The following RPRD1A variants were observed in gnomAD, a reference collection of about 807,000 sequenced individuals.
The protein encoded by RPRD1A is regulation of nuclear pre-mRNA domain containing 1A, also known as regulation of nuclear pre-mRNA domain-containing protein 1A.
In RPRD1A, 9 loss-of-function variants were observed where a neutral mutation model predicts 37.8. The ratio of observed to expected loss-of-function variants is 0.24; its 90% CI spans 0.14 to 0.42. The LOEUF (loss-of-function observed/expected upper bound fraction) is 0.42, where lower values mean the gene tolerates loss of function less well. Among genes scored for constraint, RPRD1A ranks in the 10% least tolerant of loss-of-function variants. The pLI is 1.00. For missense variants in RPRD1A, 255 were observed against 371.0 expected, an observed-to-expected ratio of 0.69 and a Z score of 2.57; for synonymous variants, 138 against 139.7, an observed-to-expected ratio of 0.99 and a Z score of 0.08.
At chr18:36,058,167 T>C (rs1913924214) in intron 1 of RPRD1A, among the ~76,000 whole-genome samples, 1 of 152,148 alleles carries the variant, frequency 6.6e-6, no homozygotes, top group African/African-American at 2.4e-5. Flanking sequence ...CTCAGCCTCC[T>C]GGGTAGCTGG....
At chr18:36,059,889 G>A (rs1053949991) in intron 1 of RPRD1A, among the ~76,000 whole-genome samples, 5 of 152,154 alleles carry the variant, frequency 3.3e-5, no homozygotes, top group African/African-American at 1.2e-4. Context: ...TAAGTGTTAA[G>A]AAAGACTATA....
At chr18:36,010,660 T>C (rs912269174) in intron 6 of RPRD1A, among the ~76,000 whole-genome samples, 1 of 152,238 alleles carries the variant, frequency 6.6e-6, no homozygotes, top group African/African-American at 2.4e-5. Context: ...CCAAGTGTCC[T>C]AACTTCATCA....
intron 1 of RPRD1A, among the ~76,000 whole-genome samples, chr18:36,062,050 G>A (rs540985748): frequency 2.1e-4 from 32 of 152,230 alleles, no homozygotes; most frequent in African/African-American, 7.2e-4. Flanking sequence ...GGGCGCGGTG[G>A]CTCACGCCTG....
At chr18:36,053,180 T>C (rs1218546868) in intron 1 of RPRD1A, among the ~76,000 whole-genome samples, 2 of 152,158 alleles carry the variant, frequency 1.3e-5, no homozygotes, top group African/African-American at 4.8e-5. Context: ...AAAACTGAAA[T>C]GAATCTCACA....
At chr18:36,017,642 G>GT (rs755954945) in intron 6 of RPRD1A, among the ~76,000 whole-genome samples, 2 of 152,212 alleles carry the variant, frequency 1.3e-5, no homozygotes, top group Admixed American at 6.5e-5. Flanking sequence ...TCAAGAAAGC[G>GT]TAACTGCCTA....
At chr18:36,041,317 T>C (rs184159353) in intron 1 of RPRD1A, among the ~76,000 whole-genome samples, 2 of 152,204 alleles carry the variant, frequency 1.3e-5, no homozygotes, top group African/African-American at 2.4e-5. Context: ...TTCCATCTTA[T>C]AGAACCCTTT....
chr18:36,019,488 T>C lies in RPRD1A; in HGVS notation c.789+7412A>G, dbSNP rs1910843159. On this transcript the variant is annotated intron_variant, in intron 6 of 6. Coordinates refer to ENST00000399022, the MANE Select transcript of RPRD1A (RefSeq NM_018170.5). ...ATGGTTGCAATGATGTAGGGAGATA[T>C]GAGAGGGAGCAGAAGATCATCTTAT... Among the ~76,000 whole-genome samples, 10 of 152,246 alleles carry C rather than the reference T, an allele frequency of 6.6e-5. No individual in the cohort carries two copies. In the South Asian group the frequency reaches 1.9e-3, roughly 28 times the overall value.
chr18:35,998,328 C>A (rs1909209460), intron 6 of RPRD1A, among the ~76,000 whole-genome samples: 1 of 151,830 alleles, frequency 6.6e-6, no homozygotes, highest in East Asian at 1.9e-4. Context: ...TGCACTCAAG[C>A]ATGGGCAACA....
Position 36,027,056 on chromosome 18 carries a change from C to A in RPRD1A, c.633G>T (p.Arg211Ser), listed in dbSNP as rs755531779. 1 of 1,613,918 alleles carries A rather than the reference C, an allele frequency of 6.2e-7. No homozygotes were observed. The highest frequency in any genetic ancestry group is 8.5e-7 in the Non-Finnish European group (1 of 1,179,876). ...ACGCATCCTCTACCATTTTGGAAAG[C>A]CTTTCTCCAGATTCTTTATCTAAGA... ...DKITDKESGE[R>S]LSKMVEDACM... The change falls in exon 6 of 7, where the codon AGG becomes AGT. Residue 211 changes from arginine (R) to serine (S), a missense_variant. Arg to Ser is a moderately radical substitution (Grantham distance 110). Around this residue, in one of 2 missense-constraint regions of RPRD1A, gnomAD observed 211 missense variants for 268.9 expected, o/e 0.78. Coordinates refer to ENST00000399022, the MANE Select transcript of RPRD1A (RefSeq NM_018170.5).
chr18:35,999,039 G>C (rs1037280052), intron 6 of RPRD1A, among the ~76,000 whole-genome samples: 2 of 152,104 alleles, frequency 1.3e-5, no homozygotes, highest in South Asian at 2.1e-4. Flanking sequence ...CACTGCAATA[G>C]AATCTTTTCT....
Position 36,031,109 on chromosome 18 carries a change from A to C in RPRD1A, c.282-12T>G, listed in dbSNP as rs776340741. 6.5e-7 allele frequency: 1 copy of C among 1,529,284 alleles called. No homozygotes were observed. The allele number at this position is 1,529,284 out of a possible 1,614,324, so 94.7% of individuals were successfully genotyped here. On this transcript the variant is annotated splice_polypyrimidine_tract_variant and intron_variant, in intron 2 of 6. Coordinates refer to ENST00000399022, the MANE Select transcript of RPRD1A (RefSeq NM_018170.5). ...TTTCATCAGTTTCACTAAAAAAAAA[A>C]AAAAAGAAAAAAAGAAAAATGTTAA... is the stretch of plus-strand genomic sequence containing the variant.
chr18:36,011,588 C>T (rs1325061217), intron 6 of RPRD1A, among the ~76,000 whole-genome samples: 2 of 151,994 alleles, frequency 1.3e-5, no homozygotes, highest in African/African-American at 4.8e-5. Context: ...AAAAAAGATA[C>T]ATATATTTTA....
At chr18:36,009,263 A>C (rs991033712) in intron 6 of RPRD1A, among the ~76,000 whole-genome samples, 1 of 152,176 alleles carries the variant, frequency 6.6e-6, no homozygotes, top group African/African-American at 2.4e-5. Flanking sequence ...TGATTATCTC[A>C]ATCACTCCTG....
intron 1 of RPRD1A, among the ~76,000 whole-genome samples, chr18:36,053,962 T>C (rs1275023314): frequency 6.6e-6 from 1 of 151,992 alleles, no homozygotes; most frequent in East Asian, 1.9e-4. Flanking sequence ...TGCCTTTCAC[T>C]GAAATAGGAA....
At chr18:35,994,151 G>C (rs1459069881) in intron 6 of RPRD1A, among the ~76,000 whole-genome samples, 2 of 152,094 alleles carry the variant, frequency 1.3e-5, no homozygotes, top group Admixed American at 1.3e-4. Context: ...TCAAAGATTT[G>C]GTCTAAGGAA....
intron 1 of RPRD1A, among the ~76,000 whole-genome samples, chr18:36,037,485 A>T (rs1377112143): frequency 1.3e-5 from 2 of 152,194 alleles, no homozygotes; most frequent in Non-Finnish European, 2.9e-5. Context: ...GAGTCAATTA[A>T]ATCTCTTTCC....
intron 6 of RPRD1A, among the ~76,000 whole-genome samples, chr18:36,014,169 CATAA>C (rs1181964816): frequency 2.0e-5 from 3 of 152,076 alleles, no homozygotes; most frequent in Non-Finnish European, 2.9e-5. Context: ...CAGCATGTGT[CATAA>C]ATATTAAAAA....
Position 36,026,979 on chromosome 18 carries a change from C to T in RPRD1A, c.710G>A (p.Arg237Lys). ...NGRLAAEIDDRKQLTRMLADF... is the reference protein window; with the variant it reads ...NGRLAAEIDDKKQLTRMLADF... ...TGCTAACATTCGAGTGAGTTGCTTTCTATCATCTATTTCTGCCGCCAATCT... is the reference window on the plus strand; with the variant it reads ...TGCTAACATTCGAGTGAGTTGCTTTTTATCATCTATTTCTGCCGCCAATCT... The change falls in exon 6 of 7, where the codon AGA becomes AAA. Residue 237 changes from arginine to lysine, a missense_variant. Physicochemically the swap from Arg to Lys is conservative, Grantham distance 26. Around this residue, in one of 2 missense-constraint regions of RPRD1A, gnomAD observed 211 missense variants for 268.9 expected, o/e 0.78. Coordinates refer to ENST00000399022, the MANE Select transcript of RPRD1A (RefSeq NM_018170.5). 1 of 1,614,006 alleles carries T rather than the reference C, an allele frequency of 6.2e-7. No homozygotes were observed. The highest frequency in any genetic ancestry group is 8.5e-7 in the Non-Finnish European group (1 of 1,179,894).
Position 35,992,793 on chromosome 18 carries a change from G to T in RPRD1A, c.*358C>A, listed in dbSNP as rs538418863. The T allele has an allele frequency of 5.7e-6, 1 of 175,760 alleles. No individual in the cohort carries two copies. Among genetic ancestry groups the T allele is most frequent in the Admixed American group, 6.0e-5 (1 of 16,648 alleles). The allele number at this position is 175,760 out of a possible 1,614,324, so 10.9% of individuals were successfully genotyped here. ...CTTCAGGAATTACATAGTATACAGT[G>T]ATTAAATGCTGAAGAAAATAAAGAA... On this transcript the variant is annotated 3_prime_UTR_variant, in exon 7 of 7. Transcript: ENST00000399022.
Sources: allele counts gnomAD v4.1 joint callset (sites outside exome capture counted in the v4.1 genomes callset), GRCh38; gene constraint gnomAD v4.1.1; regional missense constraint gnomAD v4.1.1; transcripts MANE v1.5; gene names NCBI Gene and HGNC (gene_info 2026-07-23, HGNC 2026-07-21).